Variants in PTPRJ observed in about 807,000 individuals in gnomAD.
The protein encoded by PTPRJ is protein tyrosine phosphatase receptor type J.
In PTPRJ, 129 loss-of-function variants were observed where a neutral mutation model predicts 141.3. That is an observed-to-expected ratio of 0.91 (90% CI 0.79 to 1.06). The LOEUF is 1.06. Among genes scored for constraint, PTPRJ ranks in the 50% least tolerant of loss-of-function variants. The pLI is 0.00. For synonymous variants in PTPRJ, 610 were observed against 640.5 expected (o/e 0.95, Z 0.72); for missense variants, 1,601 against 1,679.7 (o/e 0.95, Z 0.82).
chr11:48,040,816 G>A (rs1055652196), intron 1 of PTPRJ, among the ~76,000 whole-genome samples: 4 of 151,966 alleles, frequency 2.6e-5, no homozygotes, highest in African/African-American at 4.8e-5. Flanking sequence ...TGGCCAGGCC[G>A]GTCTCAAACT....
intron 1 of PTPRJ, among the ~76,000 whole-genome samples, chr11:48,019,437 T>C (rs1039826191): frequency 2.2e-5 from 3 of 137,004 alleles, no homozygotes; most frequent in Non-Finnish European, 4.6e-5. Context: ...CTGAGAAACC[T>C]CCAGGAAGGG....
At chr11:48,074,634 A>T (rs1048428493) in intron 1 of PTPRJ, among the ~76,000 whole-genome samples, 6 of 152,188 alleles carry the variant, frequency 3.9e-5, no homozygotes, top group Non-Finnish European at 7.3e-5. Context: ...AAAAAAGTCA[A>T]TTATTGTACT....
intron 1 of PTPRJ, among the ~76,000 whole-genome samples, chr11:48,048,001 G>A (rs1191829294): frequency 6.6e-6 from 1 of 152,140 alleles, no homozygotes; most frequent in African/African-American, 2.4e-5. Context: ...GGCTTTTGGG[G>A]GCGTTTTGGG....
chr11:47,985,314 AT>A (rs933015952), intron 1 of PTPRJ, among the ~76,000 whole-genome samples: 28 of 146,788 alleles, frequency 1.9e-4, no homozygotes, highest in Admixed American at 4.8e-4. Context: ...TTCCTGGCTA[AT>A]TTTTTTTTTT....
At chr11:48,011,837 A>AT (rs532914537) in intron 1 of PTPRJ, among the ~76,000 whole-genome samples, 56 of 152,114 alleles carry the variant, frequency 3.7e-4, no homozygotes, top group Middle Eastern at 3.4e-3. Flanking sequence ...AATTAAAAAC[A>AT]TTTTTTTGTA....
intron 1 of PTPRJ, among the ~76,000 whole-genome samples, chr11:48,051,394 C>T (rs528129349): frequency 1.3e-5 from 2 of 152,132 alleles, no homozygotes; most frequent in Admixed American, 6.5e-5. Flanking sequence ...TGCACCTGGC[C>T]GTGTTTTCTG....
Position 48,149,469 on chromosome 11 carries a change from GT to G in PTPRJ, c.3023del (p.Val1008GlyfsTer13). 1 of 1,520,932 alleles carries G rather than the reference GT, an allele frequency of 6.6e-7. No homozygotes were observed. The highest frequency in any genetic ancestry group is 9.0e-7 in the Non-Finnish European group (1 of 1,107,864). The allele number at this position is 1,520,932 out of a possible 1,614,324, so 94.2% of individuals were successfully genotyped here. ...CAGGAAAGATGCAAAGAATAATGAAGTGTCCTTTTCTCAAATTAAGTAAGTC... is the reference window on the plus strand; with the variant it reads ...CAGGAAAGATGCAAAGAATAATGAAGGTCCTTTTCTCAAATTAAGTAAGTC... ...KKRKDAKNNE[V>X]SFSQIKPKKS... On this transcript the variant is annotated frameshift_variant, in exon 16 of 25. Coordinates refer to ENST00000418331, the MANE Select transcript of PTPRJ (RefSeq NM_002843.4). LOFTEE classifies it high-confidence loss of function.
At chr11:48,125,796 G>C (rs1197841929) in intron 6 of PTPRJ, among the ~76,000 whole-genome samples, 1 of 152,202 alleles carries the variant, frequency 6.6e-6, no homozygotes, top group East Asian at 1.9e-4. Flanking sequence ...GCAAGACATT[G>C]GTGAGAAGCC....
chr11:48,139,748 C>T lies in PTPRJ; in HGVS notation c.2415C>T (p.Thr805=). The change falls in exon 11 of 25, where the codon ACC becomes ACT. Residue 805 remains threonine (T), a synonymous_variant. Transcript: ENST00000418331. The part of the protein sequence containing the change: ...TVSCGKMAAP[T]RNTCTTGITD... Reference sequence around the variant, plus strand: ...CCTGTGGAAAGATGGCAGCCCCCACCCGGAACACCTGCACTACTGGCATCA... The same window carrying T: ...CCTGTGGAAAGATGGCAGCCCCCACTCGGAACACCTGCACTACTGGCATCA... 1 of 1,614,128 alleles carries T rather than the reference C, an allele frequency of 6.2e-7. No individual in the cohort carries two copies. The highest frequency in any genetic ancestry group is 2.2e-5 in the East Asian group (1 of 44,866).
chr11:48,116,478 A>G (rs1323130752), intron 3 of PTPRJ, among the ~76,000 whole-genome samples: 2 of 152,256 alleles, frequency 1.3e-5, no homozygotes, highest in African/African-American at 4.8e-5. Context: ...TTCATAGTAG[A>G]GGACTTCCAC....
chr11:48,158,196 A>G lies in PTPRJ; in HGVS notation c.3439-1734A>G, dbSNP rs1300912821. 1.3e-5 allele frequency among the ~76,000 whole-genome samples: 2 copies of G among 152,190 alleles called. No homozygotes were observed. Among genetic ancestry groups the G allele is most frequent in the African/African-American group, 4.8e-5 (2 of 41,464 alleles). ...AAAGAAGAATGCAAATAAGCTTTTTAATACTGTTGAGCCCAGGGCCTTATA... is the reference window on the plus strand; with the variant it reads ...AAAGAAGAATGCAAATAAGCTTTTTGATACTGTTGAGCCCAGGGCCTTATA... On this transcript the variant is annotated intron_variant, in intron 21 of 24. Coordinates refer to ENST00000418331, the MANE Select transcript of PTPRJ (RefSeq NM_002843.4). The surrounding 1 kb of genome is among the most constrained non-coding windows in gnomAD (Gnocchi z 4.4).
At chr11:48,057,522 G>C (rs992506301) in intron 1 of PTPRJ, among the ~76,000 whole-genome samples, 2 of 152,056 alleles carry the variant, frequency 1.3e-5, no homozygotes, top group African/African-American at 4.8e-5. Flanking sequence ...CCAGTCACGG[G>C]CAGCCTTGGG....
intron 1 of PTPRJ, among the ~76,000 whole-genome samples, chr11:48,034,796 G>A (rs144305833): frequency 8.5e-4 from 130 of 152,250 alleles, no homozygotes; most frequent in African/African-American, 2.8e-3. Flanking sequence ...AAGGCCTGTC[G>A]GTTTTCCCAT....
chr11:48,124,334 G>A (rs1856785605), intron 5 of PTPRJ, among the ~76,000 whole-genome samples: 1 of 152,228 alleles, frequency 6.6e-6, no homozygotes, highest in Admixed American at 6.5e-5. Flanking sequence ...TGGGTGTCAG[G>A]ATCCTTGCTT....
intron 1 of PTPRJ, among the ~76,000 whole-genome samples, chr11:48,008,839 A>G (rs889387716): frequency 3.9e-5 from 6 of 152,310 alleles, no homozygotes; most frequent in African/African-American, 1.4e-4. Context: ...TGCTAGGATT[A>G]CAGTCGTGAG....
At chr11:48,021,051 T>TGGCCAC (rs1197393735) in intron 1 of PTPRJ, among the ~76,000 whole-genome samples, 1 of 152,196 alleles carries the variant, frequency 6.6e-6, no homozygotes, top group Non-Finnish European at 1.5e-5. Flanking sequence ...GAGAGTAGAC[T>TGGCCAC]GGCCACAGCC....
chr11:48,031,020 A>G (rs1590419044), intron 1 of PTPRJ, among the ~76,000 whole-genome samples: 1 of 152,314 alleles, frequency 6.6e-6, no homozygotes, highest in East Asian at 1.9e-4. Flanking sequence ...CAGTGTTTTC[A>G]AAGTACTGAA....
intron 1 of PTPRJ, among the ~76,000 whole-genome samples, chr11:48,018,599 T>C (rs1395009083): frequency 6.6e-6 from 1 of 152,234 alleles, no homozygotes; most frequent in Non-Finnish European, 1.5e-5. Flanking sequence ...TACAGTCTTT[T>C]TGGAGACTAG....
chr11:48,023,520 A>G (rs1257818436), intron 1 of PTPRJ, among the ~76,000 whole-genome samples: 1 of 152,202 alleles, frequency 6.6e-6, no homozygotes, highest in Non-Finnish European at 1.5e-5. Context: ...GCGGTGGCTC[A>G]TGCCTGTAAT....
Sources: allele counts gnomAD v4.1 joint callset (sites outside exome capture counted in the v4.1 genomes callset), GRCh38; gene constraint gnomAD v4.1.1; non-coding constraint Gnocchi (gnomAD v3.1); transcripts MANE v1.5; gene names NCBI Gene and HGNC (gene_info 2026-07-23, HGNC 2026-07-21).